PIGX: variants seen among roughly 807,000 people sequenced by gnomAD.
PIGX encodes GPI alpha-1,4-mannosyltransferase I, stabilizing subunit.
Under a neutral mutation model 28.7 loss-of-function variants are expected in PIGX, and 24 were observed. The observed-to-expected ratio is 0.84, with a 90% confidence interval of 0.60 to 1.17. The LOEUF is 1.17. Among genes scored for constraint, PIGX ranks in the 50% most tolerant of loss-of-function variants. PIGX has a pLI of 0.00. For synonymous variants in PIGX, 127 were observed against 121.0 expected (o/e 1.05, Z -0.33); for missense variants, 305 against 317.8 (o/e 0.96, Z 0.31).
At chr3:196,713,556 C>T (rs1711935832) in intron 1 of PIGX, among the ~76,000 whole-genome samples, 1 of 152,122 alleles carries the variant, frequency 6.6e-6, no homozygotes, top group Non-Finnish European at 1.5e-5. Context: ...GTCCACCCTC[C>T]TCAGCCTCCC....
chr3:196,724,463 T>C (rs1272890623), intron 3 of PIGX, among the ~76,000 whole-genome samples: 1 of 152,206 alleles, frequency 6.6e-6, no homozygotes, highest in African/African-American at 2.4e-5. Flanking sequence ...TCACTTACCG[T>C]GTTCTAAGAA....
In PIGX at chr3:196,724,022, G is replaced by T. The variant is rs111883637; in HGVS notation, c.318+1466G>T. On this transcript the variant is annotated intron_variant, in intron 3 of 5. Coordinates refer to ENST00000392391, the MANE Select transcript of PIGX (RefSeq NM_017861.4). ...GGACCTCATTTTTTTTTAATTTAAT[G>T]TTTTTTTTTTTTTTTTTGAGACAGA... Among the ~76,000 whole-genome samples, 662 of 129,946 alleles carry T rather than the reference G, an allele frequency of 5.1e-3. 6 individuals carry two copies. Among genetic ancestry groups the T allele is most frequent in the African/African-American group, 0.018 (630 of 35,704 alleles). 85.2% of individuals were successfully genotyped at this position (129,946 alleles called of 152,430 possible). A position where few individuals can be genotyped will look rare whatever the true frequency, so the allele number is the denominator to read the frequency against.
intron 2 of PIGX, among the ~76,000 whole-genome samples, chr3:196,717,293 T>C (rs1253740173): frequency 1.8e-5 from 1 of 55,052 alleles, no homozygotes; most frequent in East Asian, 9.4e-4. Flanking sequence ...AGAGTGAGAC[T>C]CTGTCTCAAA....
At chr3:196,728,420 C>G (rs1240962428) in intron 4 of PIGX, 3 of 588,298 alleles carry the variant, frequency 5.1e-6, no homozygotes, top group Non-Finnish European at 6.0e-6. Flanking sequence ...TAAGACGAAC[C>G]CACCATCCTG....
At chr3:196,730,323 G>A (rs1320136142) in intron 4 of PIGX, among the ~76,000 whole-genome samples, 1 of 151,926 alleles carries the variant, frequency 6.6e-6, no homozygotes, top group Non-Finnish European at 1.5e-5. Flanking sequence ...CTCTTTTATG[G>A]GTGTGTTTCA....
In PIGX at chr3:196,719,925, G is replaced by C. The variant is rs574806622; in HGVS notation, c.177-2490G>C. 1.4e-4 allele frequency among the ~76,000 whole-genome samples: 21 copies of C among 152,060 alleles called. 1 individual carries two copies. The South Asian group carries it at 3.9e-3, about 28-fold the overall frequency. On this transcript the variant is annotated intron_variant, in intron 2 of 5. Transcript: ENST00000392391. The stretch of plus-strand genomic sequence containing the variant: ...CTGCCTCAGCCTCCCGATTACAGGC[G>C]CCTGCCACCACACCCAGCTAATTTT...
At chr3:196,727,262 TAATA>T (rs574070129) in intron 3 of PIGX, among the ~76,000 whole-genome samples, 144 of 152,338 alleles carry the variant, frequency 9.5e-4, no homozygotes, top group African/African-American at 3.2e-3. Flanking sequence ...GATATATGTG[TAATA>T]AATAAATATA....
chr3:196,723,320 G>C (rs1409875386), intron 3 of PIGX, among the ~76,000 whole-genome samples: 1 of 152,038 alleles, frequency 6.6e-6, no homozygotes, highest in Admixed American at 6.5e-5. Context: ...CAGCCTGGGT[G>C]ACAGAATGAG....
intron 3 of PIGX, among the ~76,000 whole-genome samples, chr3:196,724,517 T>G (rs1186552621): frequency 6.6e-6 from 1 of 152,114 alleles, no homozygotes; most frequent in Non-Finnish European, 1.5e-5. Context: ...ATTCATATCT[T>G]TGGATGGGGA....
chr3:196,714,337 G>C (rs941534073), intron 1 of PIGX, among the ~76,000 whole-genome samples: 1 of 152,160 alleles, frequency 6.6e-6, no homozygotes, highest in African/African-American at 2.4e-5. Flanking sequence ...GGTGGCGTGG[G>C]CCTATAATCC....
chr3:196,724,793 C>T (rs1560077597), intron 3 of PIGX, among the ~76,000 whole-genome samples: 1 of 152,108 alleles, frequency 6.6e-6, no homozygotes. Context: ...CCCAATTCCT[C>T]GTACAGAGAA....
In PIGX at chr3:196,733,705, A is replaced by G; in HGVS notation, c.634-54A>G. 1 of 1,353,812 alleles carries G rather than the reference A, an allele frequency of 7.4e-7. No individual in the cohort carries two copies. Among genetic ancestry groups the G allele is most frequent in the South Asian group, 1.2e-5 (1 of 84,438 alleles). 83.9% of individuals were successfully genotyped at this position (1,353,812 alleles called of 1,614,324 possible). ...TGGGATTACAGGCATGAGCTACCAC[A>G]CCGGGCCCATGACATGCATTTTCAA... On this transcript the variant is annotated intron_variant, in intron 5 of 5. Transcript: ENST00000392391. The surrounding 1 kb of genome is among the most constrained non-coding windows in gnomAD (Gnocchi z 4.3).
intron 3 of PIGX, among the ~76,000 whole-genome samples, chr3:196,724,615 G>C (rs1712451799): frequency 6.6e-6 from 1 of 152,092 alleles, no homozygotes; most frequent in African/African-American, 2.4e-5. Context: ...AGTTTATCTT[G>C]ATCTTGATTT....
At position 196,728,152 on chromosome 3, in the gene PIGX, G is replaced by C. The variant is rs1262108552; in HGVS notation, c.532+16G>C. On this transcript the variant is annotated intron_variant, in intron 4 of 5. Transcript: ENST00000392391. ...TGTGACCAAGGTGAGGGCTGCAAGT[G>C]TTTTCTAAGGGTTGAAACATCAGAA... The C allele has an allele frequency of 1.9e-6, 3 of 1,600,972 alleles. No individual in the cohort carries two copies. Among genetic ancestry groups the C allele is most frequent in the Non-Finnish European group, 1.7e-6 (2 of 1,168,382 alleles).
chr3:196,732,219 TATATATATATATA>T (rs1712797593), intron 5 of PIGX, among the ~76,000 whole-genome samples: 3 of 15,748 alleles, frequency 1.9e-4, no homozygotes, highest in Admixed American at 9.1e-4. Flanking sequence ...ATATTATTTA[TATATATATATATA>T]TATATATATA....
intron 5 of PIGX, among the ~76,000 whole-genome samples, chr3:196,732,096 G>T (rs1483387849): frequency 6.6e-6 from 1 of 150,506 alleles, no homozygotes; most frequent in Non-Finnish European, 1.5e-5. Flanking sequence ...AAAGTGCTGG[G>T]ATTACAGGCG....
chr3:196,725,903 C>T (rs1297256984), intron 3 of PIGX, among the ~76,000 whole-genome samples: 1 of 152,124 alleles, frequency 6.6e-6, no homozygotes, highest in Non-Finnish European at 1.5e-5. Context: ...AAAAAAATAT[C>T]AAACTTTTTC....
At chr3:196,732,240 ATATATATATATATATATTT>A (rs1553797115) in intron 5 of PIGX, among the ~76,000 whole-genome samples, 7 of 52,130 alleles carry the variant, frequency 1.3e-4, no homozygotes, top group South Asian at 7.0e-4. Context: ...ATATATATAT[ATATATATATATATATATTT>A]TATTTTATTT....
Position 196,733,591 on chromosome 3 carries a change from T to C in PIGX, c.634-168T>C, listed in dbSNP as rs1712897339. 6.6e-6 allele frequency among the ~76,000 whole-genome samples: 1 copy of C among 152,108 alleles called. No individual in the cohort carries two copies. Among genetic ancestry groups the C allele is most frequent in the Non-Finnish European group, 1.5e-5 (1 of 68,020 alleles). On this transcript the variant is annotated intron_variant, in intron 5 of 5. Transcript: ENST00000392391. The surrounding 1 kb of genome is among the most constrained non-coding windows in gnomAD (Gnocchi z 4.3). ...CACACCTGGCTAATTTTTGTATTTT[T>C]AGTAGAGATGGTTTAGTAGAGATGT...
Sources: allele counts gnomAD v4.1 joint callset (sites outside exome capture counted in the v4.1 genomes callset), GRCh38; gene constraint gnomAD v4.1.1; non-coding constraint Gnocchi (gnomAD v3.1); transcripts MANE v1.5; gene names NCBI Gene and HGNC (gene_info 2026-07-23, HGNC 2026-07-21).